DPY19L4: variants seen among roughly 807,000 people sequenced by gnomAD.
DPY19L4 encodes dpy-19 like 4, also known as probable C-mannosyltransferase DPY19L4.
A neutral mutation model predicts 102.8 loss-of-function variants in DPY19L4; 97 were observed. The ratio of observed to expected loss-of-function variants is 0.94; its 90% CI spans 0.80 to 1.12. The LOEUF (loss-of-function observed/expected upper bound fraction) is 1.12, where lower values mean the gene tolerates loss of function less well. DPY19L4 is among the 50% of genes most tolerant of loss of function. The pLI is 0.00. For synonymous variants in DPY19L4, 252 were observed against 283.1 expected, an observed-to-expected ratio of 0.89 and a Z score of 1.10; for missense variants, 815 against 850.4, an observed-to-expected ratio of 0.96 and a Z score of 0.52.
chr8:94,743,247 C>G (rs28565298), intron 6 of DPY19L4, among the ~76,000 whole-genome samples: 25,050 of 151,540 alleles, frequency 0.17, 2,144 homozygotes, highest in Admixed American at 0.22. Flanking sequence ...CCAGGCTGTT[C>G]TTGAACTCCT....
chr8:94,772,056 T>C (rs930619359), intron 13 of DPY19L4, among the ~76,000 whole-genome samples: 1 of 152,216 alleles, frequency 6.6e-6, no homozygotes, highest in Non-Finnish European at 1.5e-5. Context: ...TTGAAACATA[T>C]CTTGCACTAT....
At chr8:94,734,587 G>A (rs562432333) in intron 2 of DPY19L4, 43 bp from the exon 3 acceptor site, 18 of 1,564,006 alleles carry the variant, frequency 1.2e-5, no homozygotes, top group Admixed American at 3.7e-5. Context: ...ATCATATCAA[G>A]GGTACATATT....
intron 3 of DPY19L4, among the ~76,000 whole-genome samples, chr8:94,737,251 T>G (rs1457892998): frequency 6.6e-6 from 1 of 151,940 alleles, no homozygotes; most frequent in Non-Finnish European, 1.5e-5. Flanking sequence ...AGTGGTGTGA[T>G]CTCGCCTCAC....
At position 94,726,730 on chromosome 8, in the gene DPY19L4, C is replaced by A. The variant is rs552306083; in HGVS notation, c.127+289C>A. ...GACGTAGGAAAAGAGGAGGCAGAAT[C>A]ATGCAATGTCTCTTAAAGTTTCTGC... is the stretch of plus-strand genomic sequence containing the variant. On this transcript the variant is annotated intron_variant, in intron 2 of 18. Coordinates refer to ENST00000414645, the MANE Select transcript of DPY19L4 (RefSeq NM_181787.3). 3.9e-5 allele frequency among the ~76,000 whole-genome samples: 6 copies of A among 152,244 alleles called. No individual in the cohort carries two copies. The South Asian group carries it at 8.3e-4, about 21-fold the overall frequency.
Position 94,767,944 on chromosome 8 carries a change from T to G in DPY19L4, c.1176-451T>G, listed in dbSNP as rs1421927556. ...TCAAATCATTATTTCGCTCTTTTTTTCTTTGAAATCCTGGGTGTATTTTGT... is the reference window on the plus strand; with the variant it reads ...TCAAATCATTATTTCGCTCTTTTTTGCTTTGAAATCCTGGGTGTATTTTGT... On this transcript the variant is annotated intron_variant, in intron 11 of 18. Coordinates refer to ENST00000414645, the MANE Select transcript of DPY19L4 (RefSeq NM_181787.3). Among the ~76,000 whole-genome samples the G allele has an allele frequency of 3.3e-5, 5 of 152,332 alleles. No individual in the cohort carries two copies. In the East Asian group the frequency reaches 9.6e-4, roughly 29 times the overall value.
chr8:94,728,320 TG>T (rs1327583568), intron 2 of DPY19L4, among the ~76,000 whole-genome samples: 1 of 152,268 alleles, frequency 6.6e-6, no homozygotes, highest in East Asian at 1.9e-4. Context: ...CCCCTTACTC[TG>T]GGATAAGGAA....
intron 2 of DPY19L4, among the ~76,000 whole-genome samples, chr8:94,731,892 C>T (rs1247996860): frequency 6.6e-6 from 1 of 152,108 alleles, no homozygotes; most frequent in African/African-American, 2.4e-5. Context: ...CTCAGCCTCC[C>T]GAGTAGCTGG....
At chr8:94,729,051 C>G (rs1810816240) in intron 2 of DPY19L4, among the ~76,000 whole-genome samples, 1 of 151,354 alleles carries the variant, frequency 6.6e-6, no homozygotes. Context: ...AGCTGTTTGT[C>G]TTTTTCAACC....
At chr8:94,764,683 G>GTC (rs1812563816) in intron 8 of DPY19L4, among the ~76,000 whole-genome samples, 1 of 76,768 alleles carries the variant, frequency 1.3e-5, no homozygotes, top group African/African-American at 7.1e-5. Context: ...GTGTGTGTCT[G>GTC]TGTGTGTATA....
intron 3 of DPY19L4, among the ~76,000 whole-genome samples, chr8:94,737,310 G>A (rs1811226489): frequency 6.6e-6 from 1 of 151,980 alleles, no homozygotes; most frequent in Admixed American, 6.6e-5. Context: ...CTCCCGAGTA[G>A]CTGGGATTAC....
intron 11 of DPY19L4, among the ~76,000 whole-genome samples, chr8:94,766,929 G>A (rs1378743977): frequency 6.6e-6 from 1 of 151,904 alleles, no homozygotes; most frequent in Admixed American, 6.6e-5. Context: ...AATTAGCTGG[G>A]TGTGGTGGTG....
intron 13 of DPY19L4, among the ~76,000 whole-genome samples, chr8:94,772,204 T>C (rs1197030282): frequency 6.6e-6 from 1 of 152,126 alleles, no homozygotes; most frequent in East Asian, 1.9e-4. Flanking sequence ...TTAGCAATAG[T>C]GGGAGATATA....
At chr8:94,762,094 A>G (rs768225389) in intron 8 of DPY19L4, among the ~76,000 whole-genome samples, 47 of 152,232 alleles carry the variant, frequency 3.1e-4, no homozygotes, top group Non-Finnish European at 2.8e-4. Flanking sequence ...TGCTAGGGAA[A>G]AAGATGAAAT....
intron 13 of DPY19L4, among the ~76,000 whole-genome samples, chr8:94,771,463 C>T (rs1215182331): frequency 6.6e-6 from 1 of 152,210 alleles, no homozygotes; most frequent in Non-Finnish European, 1.5e-5. Flanking sequence ...CAGTCTCTAA[C>T]CTTATTTAAC....
At chr8:94,780,722 T>C (rs1813390477) in intron 15 of DPY19L4, among the ~76,000 whole-genome samples, 1 of 152,196 alleles carries the variant, frequency 6.6e-6, no homozygotes, top group Admixed American at 6.6e-5. Context: ...TCCAAAACTT[T>C]ATCATCTATG....
intron 7 of DPY19L4, among the ~76,000 whole-genome samples, chr8:94,759,763 A>C (rs1427445802): frequency 6.6e-6 from 1 of 151,872 alleles, no homozygotes; most frequent in African/African-American, 2.4e-5. Flanking sequence ...TCAGCCTCCC[A>C]AAGTACTGGG....
chr8:94,750,325 C>T (rs942970377), intron 6 of DPY19L4, among the ~76,000 whole-genome samples: 1 of 152,216 alleles, frequency 6.6e-6, no homozygotes, highest in African/African-American at 2.4e-5. Flanking sequence ...AGTAGATCTA[C>T]ACGATGGTGT....
At chr8:94,724,117 A>G (rs969900327) in intron 1 of DPY19L4, among the ~76,000 whole-genome samples, 3 of 152,232 alleles carry the variant, frequency 2.0e-5, no homozygotes, top group East Asian at 1.9e-4. Context: ...TTATGTGACT[A>G]TTCCCCTCCC....
intron 14 of DPY19L4, among the ~76,000 whole-genome samples, chr8:94,778,258 A>G (rs545901758): frequency 4.7e-4 from 72 of 152,314 alleles, no homozygotes; most frequent in Non-Finnish European, 7.8e-4. Context: ...TCTGATTATC[A>G]AAGTAATGCA....
Sources: gnomAD v4.1 joint callset for allele counts (sites outside exome capture counted in the v4.1 genomes callset) on GRCh38, gnomAD v4.1.1 for gene constraint, MANE v1.5 for transcripts, NCBI Gene and HGNC (gene_info 2026-07-23, HGNC 2026-07-21) for gene names.